Variants in RNF150 observed in about 807,000 individuals in gnomAD.
The protein encoded by RNF150 is ring finger protein 150.
A neutral mutation model predicts 39.3 loss-of-function variants in RNF150; 24 were observed. The ratio of observed to expected loss-of-function variants is 0.61; its 90% CI spans 0.44 to 0.86. The LOEUF (loss-of-function observed/expected upper bound fraction) is 0.86, where lower values mean the gene tolerates loss of function less well. Among genes scored for constraint, RNF150 ranks in the 40% least tolerant of loss-of-function variants. The probability of loss-of-function intolerance (pLI) is 0.00; values close to 1 mark genes in which losing one functional copy is unlikely to be tolerated. For synonymous variants in RNF150, 255 were observed against 227.3 expected, an observed-to-expected ratio of 1.12 and a Z score of -1.10; for missense variants, 502 against 587.8, an observed-to-expected ratio of 0.85 and a Z score of 1.51.
At chr4:140,874,552 C>T (rs1357004147) in intron 6 of RNF150, among the ~76,000 whole-genome samples, 1 of 152,178 alleles carries the variant, frequency 6.6e-6, no homozygotes, top group Non-Finnish European at 1.5e-5. Context: ...TTAGTCCATG[C>T]CAAGAACTAT....
intron 5 of RNF150, among the ~76,000 whole-genome samples, chr4:140,915,730 G>C (rs561864519): frequency 3.5e-4 from 53 of 152,312 alleles, no homozygotes; most frequent in Non-Finnish European, 7.5e-4. Flanking sequence ...TGAGATCTGA[G>C]AACGGGCAGA....
intron 1 of RNF150, among the ~76,000 whole-genome samples, chr4:141,186,276 G>T (rs1479619322): frequency 1.3e-5 from 2 of 152,148 alleles, no homozygotes; most frequent in African/African-American, 4.8e-5. Flanking sequence ...TATGTGGCCA[G>T]GAATTTATCC....
intron 1 of RNF150, among the ~76,000 whole-genome samples, chr4:140,970,096 T>C (rs1178534767): frequency 6.6e-6 from 1 of 152,136 alleles, no homozygotes; most frequent in Admixed American, 6.6e-5. Context: ...TTCACTAATA[T>C]ATTCCTCTAT....
intron 1 of RNF150, among the ~76,000 whole-genome samples, chr4:141,075,885 A>G (rs1737878535): frequency 6.6e-6 from 1 of 152,210 alleles, no homozygotes; most frequent in Admixed American, 6.5e-5. Flanking sequence ...CCAAAGTCTC[A>G]GAAATCACCA....
At chr4:141,084,013 G>A (rs931746923) in intron 1 of RNF150, among the ~76,000 whole-genome samples, 7 of 152,094 alleles carry the variant, frequency 4.6e-5, no homozygotes, top group African/African-American at 1.7e-4. Context: ...TGTGATGTGG[G>A]TAATACTGTC....
chr4:141,113,004 G>T (rs554661555), intron 1 of RNF150, among the ~76,000 whole-genome samples: 3 of 151,408 alleles, frequency 2.0e-5, no homozygotes, highest in Non-Finnish European at 4.4e-5. Context: ...CCTTTCTTCC[G>T]CTTGATCTAT....
intron 1 of RNF150, among the ~76,000 whole-genome samples, chr4:141,121,613 T>C (rs1560749118): frequency 6.6e-6 from 1 of 152,182 alleles, no homozygotes; most frequent in African/African-American, 2.4e-5. Flanking sequence ...TTACAGAAGT[T>C]TGTGTGCTTT....
At chr4:141,125,628 C>T (rs78678586) in intron 1 of RNF150, among the ~76,000 whole-genome samples, 523 of 152,278 alleles carry the variant, frequency 3.4e-3, no homozygotes, top group South Asian at 0.014. Context: ...GCAACAATAA[C>T]GGTTAACTTT....
chr4:141,006,999 G>A (rs1734893915), intron 1 of RNF150, among the ~76,000 whole-genome samples: 1 of 152,166 alleles, frequency 6.6e-6, no homozygotes. Flanking sequence ...GAGAAAAAAA[G>A]TTATCTGTAC....
chr4:140,996,539 C>T (rs1734384613), intron 1 of RNF150, among the ~76,000 whole-genome samples: 1 of 152,220 alleles, frequency 6.6e-6, no homozygotes, highest in South Asian at 2.1e-4. Context: ...GCAGCTTCTT[C>T]ACCTCTGTGC....
chr4:141,067,769 G>T lies in RNF150; in HGVS notation c.484+64556C>A, dbSNP rs181902828. Among the ~76,000 whole-genome samples the T allele has an allele frequency of 1.3e-3, 202 of 152,172 alleles. 1 individual carries two copies. Among genetic ancestry groups the T allele is most frequent in the South Asian group, 7.9e-3 (38 of 4,820 alleles). ...GATTCCTATTTTTGAGTTCAAAGAG[G>T]ATAATTTCTCATAAAGACTTTTTAT... is the stretch of plus-strand genomic sequence containing the variant. On this transcript the variant is annotated intron_variant, in intron 1 of 6. Coordinates refer to ENST00000515673, the MANE Select transcript of RNF150 (RefSeq NM_020724.2).
intron 1 of RNF150, among the ~76,000 whole-genome samples, chr4:141,207,435 T>C (rs1039111548): frequency 6.6e-6 from 1 of 151,850 alleles, no homozygotes; most frequent in Non-Finnish European, 1.5e-5. Context: ...GGGGGTCAAA[T>C]GGAAAGCAGG....
rs530254468 is a variant in RNF150, at chr4:140,887,954, C to T, written c.1199-19575G>A. ...AACACTGACATGAGCATGCTTAGCT[C>T]TTATTATGCTGGCATCATTTTACAT... On this transcript the variant is annotated intron_variant, in intron 6 of 6. Coordinates refer to ENST00000515673, the MANE Select transcript of RNF150 (RefSeq NM_020724.2). Among the ~76,000 whole-genome samples the T allele has an allele frequency of 3.2e-4, 48 of 152,296 alleles. 1 individual carries two copies. In the South Asian group the frequency reaches 9.8e-3, roughly 31 times the overall value.
chr4:140,887,966 G>T (rs1729637798), intron 6 of RNF150, among the ~76,000 whole-genome samples: 1 of 152,134 alleles, frequency 6.6e-6, no homozygotes, highest in Non-Finnish European at 1.5e-5. Context: ...TATTATGCTG[G>T]CATCATTTTA....
chr4:141,063,890 T>C (rs771255382), intron 1 of RNF150, among the ~76,000 whole-genome samples: 1 of 151,654 alleles, frequency 6.6e-6, no homozygotes, highest in Non-Finnish European at 1.5e-5. Context: ...ATATAACCAG[T>C]AGTCAGACCC....
At position 140,864,811 on chromosome 4, in the gene RNF150, G is replaced by C. The variant is rs1318411726; in HGVS notation, c.*3450C>G. On this transcript the variant is annotated 3_prime_UTR_variant, in exon 7 of 7. Transcript: ENST00000515673. ...AGCACCAAATCAGCATGGTTTGTGT[G>C]AGTTTTAAGTAACAACTGGTCAGAG... 6.6e-6 allele frequency: 1 copy of C among 152,200 alleles called. No individual in the cohort carries two copies. Among genetic ancestry groups the C allele is most frequent in the Non-Finnish European group, 1.5e-5 (1 of 68,052 alleles). 9.4% of individuals were successfully genotyped at this position (152,200 alleles called of 1,614,324 possible).
intron 1 of RNF150, among the ~76,000 whole-genome samples, chr4:141,139,785 C>T (rs940292761): frequency 8.5e-5 from 13 of 152,096 alleles, no homozygotes; most frequent in African/African-American, 2.7e-4. Context: ...GTAACTTGCC[C>T]GAGGCCATGC....
chr4:141,148,164 CTT>C (rs1433273907), intron 1 of RNF150, among the ~76,000 whole-genome samples: 2 of 152,078 alleles, frequency 1.3e-5, no homozygotes, highest in East Asian at 1.9e-4. Flanking sequence ...ATCTCAATAA[CTT>C]TGTCAAATAC....
chr4:141,060,625 G>T (rs1198725113), intron 1 of RNF150, among the ~76,000 whole-genome samples: 1 of 152,046 alleles, frequency 6.6e-6, no homozygotes, highest in East Asian at 1.9e-4. Context: ...CTTTACATTT[G>T]TATTATCTAC....
Sources: gnomAD v4.1 joint callset for allele counts (sites outside exome capture counted in the v4.1 genomes callset) on GRCh38, gnomAD v4.1.1 for gene constraint, MANE v1.5 for transcripts, NCBI Gene and HGNC (gene_info 2026-07-23, HGNC 2026-07-21) for gene names.